The following NEDD1 variants were observed in gnomAD, a reference collection of about 807,000 sequenced individuals.
The protein encoded by NEDD1 is protein NEDD1.
In NEDD1, 33 loss-of-function variants were observed where a neutral mutation model predicts 74.0. The observed-to-expected ratio is 0.45, with a 90% confidence interval of 0.34 to 0.60. The LOEUF is 0.60. Among genes scored for constraint, NEDD1 ranks in the 20% least tolerant of loss-of-function variants. The probability of loss-of-function intolerance (pLI) is 0.01; values close to 1 mark genes in which losing one functional copy is unlikely to be tolerated. For missense variants in NEDD1, 746 were observed against 776.5 expected, an observed-to-expected ratio of 0.96 and a Z score of 0.47; for synonymous variants, 250 against 264.4, an observed-to-expected ratio of 0.95 and a Z score of 0.53.
rs868376177 is a variant in NEDD1, at chr12:96,953,049, C to T, written c.*996C>T. 5 of 151,248 alleles carry T rather than the reference C, an allele frequency of 3.3e-5. No individual in the cohort carries two copies. The highest frequency in any genetic ancestry group is 7.3e-5 in the African/African-American group (3 of 41,290). 9.4% of individuals were successfully genotyped at this position (151,248 alleles called of 1,614,324 possible). On this transcript the variant is annotated 3_prime_UTR_variant, in exon 16 of 16. Transcript: ENST00000266742. ...CTCTTTGGCAATAGATAGATGTATA[C>T]ATCTACCTACTATGATCTACAATTT...
At chr12:96,922,156 G>A (rs1216600241) in intron 6 of NEDD1, among the ~76,000 whole-genome samples, 1 of 152,148 alleles carries the variant, frequency 6.6e-6, no homozygotes, top group Non-Finnish European at 1.5e-5. Flanking sequence ...ATTAAAAATA[G>A]CCTTTAGAGG....
intron 3 of NEDD1, 22 bp downstream of exon 3, chr12:96,909,917 CA>C: frequency 3.8e-6 from 4 of 1,053,190 alleles, no homozygotes; most frequent in Admixed American, 5.5e-5. Context: ...AAAAAAAAAA[CA>C]CACACACACA....
At chr12:96,919,510 A>G (rs1337616733) in intron 5 of NEDD1, among the ~76,000 whole-genome samples, 4 of 151,948 alleles carry the variant, frequency 2.6e-5, no homozygotes, top group Non-Finnish European at 5.9e-5. Flanking sequence ...CCACTCCTCC[A>G]TTTTGCAATG....
rs191865441 is a variant in NEDD1 at position 96,940,188 on chromosome 12, A to G, written c.1118-221A>G. 3.3e-5 allele frequency among the ~76,000 whole-genome samples: 5 copies of G among 152,174 alleles called. No individual in the cohort carries two copies. In the East Asian group the frequency reaches 7.7e-4, roughly 23 times the overall value. On this transcript the variant is annotated intron_variant, in intron 9 of 15. Transcript: ENST00000266742. Reference sequence around the variant, plus strand: ...TTTCTTTTGAGGAACCTTTTGTTCCATGAAAATCCTGGTTAACTTTAGCTC... The same window carrying G: ...TTTCTTTTGAGGAACCTTTTGTTCCGTGAAAATCCTGGTTAACTTTAGCTC...
At chr12:96,928,589 A>T (rs1392825497) in intron 6 of NEDD1, among the ~76,000 whole-genome samples, 3 of 141,666 alleles carry the variant, frequency 2.1e-5, no homozygotes, top group Non-Finnish European at 4.6e-5. Flanking sequence ...ATTCAAAGGA[A>T]TTTTTTTTTT....
rs189376392 is a variant in NEDD1 at position 96,907,512 on chromosome 12, G to T, written c.-261-92G>T. The T allele has an allele frequency of 8.1e-4, 868 of 1,070,790 alleles. 4 individuals carry two copies. In the African/African-American group the frequency reaches 0.012, roughly 14 times the overall value. 66.3% of individuals were successfully genotyped at this position (1,070,790 alleles called of 1,614,324 possible). Reference sequence around the variant, plus strand: ...GGGCCGGGGTCGCGCACCTCCCGGAGCCTTGTGGGGTGTGCTGCCTCCGAA... The same window carrying T: ...GGGCCGGGGTCGCGCACCTCCCGGATCCTTGTGGGGTGTGCTGCCTCCGAA... On this transcript the variant is annotated intron_variant, in intron 1 of 15. Transcript: ENST00000266742.
rs1878131030 is a variant in NEDD1 at position 96,945,761 on chromosome 12, A to G, written c.1723A>G (p.Ile575Val). ...ACTCTCAGAAAAAATAGCCGACAGCATTGGAAATAACCGGCAAAATGCACC... is the reference window on the plus strand; with the variant it reads ...ACTCTCAGAAAAAATAGCCGACAGCGTTGGAAATAACCGGCAAAATGCACC... Reference protein sequence around the residue: ...SSLSEKIADSIGNNRQNAPLT... With the variant: ...SSLSEKIADSVGNNRQNAPLT... Residue 575 changes from isoleucine to valine, a missense_variant, in exon 14 of 16, where the codon ATT (isoleucine) becomes GTT (valine). By Grantham distance (29) the Ile-to-Val change is conservative. Around this residue, in one of 3 missense-constraint regions of NEDD1, gnomAD observed 706 missense variants for 706.7 expected, o/e 1.00. Transcript: ENST00000266742. 4.4e-6 allele frequency: 7 copies of G among 1,609,054 alleles called. No individual in the cohort carries two copies. The highest frequency in any genetic ancestry group is 6.0e-6 in the Non-Finnish European group (7 of 1,175,532).
chr12:96,913,104 T>C (rs547308939), intron 4 of NEDD1, among the ~76,000 whole-genome samples: 5 of 152,314 alleles, frequency 3.3e-5, no homozygotes, highest in African/African-American at 1.2e-4. Flanking sequence ...CTGTTGCTGC[T>C]ATTTTAGGAC....
intron 4 of NEDD1, among the ~76,000 whole-genome samples, chr12:96,916,121 G>GGATGAGGAAGAAAATGGTAACA (rs1242794208): frequency 6.6e-6 from 1 of 151,878 alleles, no homozygotes; most frequent in African/African-American, 2.4e-5. Flanking sequence ...GAGAATTAGT[G>GGATGAGGAAGAAAATGGTAACA]GATGAGGAAG....
At chr12:96,946,710 A>G (rs1306330495) in intron 14 of NEDD1, among the ~76,000 whole-genome samples, 1 of 152,310 alleles carries the variant, frequency 6.6e-6, no homozygotes, top group East Asian at 1.9e-4. Context: ...GTGTTCTGCC[A>G]TGTGTGTTTC....
chr12:96,924,383 G>A (rs1875460697), intron 6 of NEDD1, among the ~76,000 whole-genome samples: 1 of 151,998 alleles, frequency 6.6e-6, no homozygotes, highest in Non-Finnish European at 1.5e-5. Context: ...AGATTATATT[G>A]GATCTATGGA....
intron 3 of NEDD1, among the ~76,000 whole-genome samples, chr12:96,911,137 A>G (rs1386766320): frequency 6.6e-6 from 1 of 152,212 alleles, no homozygotes; most frequent in Non-Finnish European, 1.5e-5. Flanking sequence ...AATAGGGAAA[A>G]TATTTTAAAG....
intron 6 of NEDD1, among the ~76,000 whole-genome samples, chr12:96,929,633 T>TTA (rs1565798240): frequency 8.7e-5 from 13 of 149,386 alleles, no homozygotes; most frequent in African/African-American, 3.2e-4. Context: ...ATTTTTTTTT[T>TTA]AATGGCTGCT....
At chr12:96,926,585 C>G (rs1318715048) in intron 6 of NEDD1, among the ~76,000 whole-genome samples, 1 of 150,474 alleles carries the variant, frequency 6.6e-6, no homozygotes, top group African/African-American at 2.4e-5. Context: ...TTTTTTCCTG[C>G]AAGCAGTACT....
intron 7 of NEDD1, 132 bp downstream of exon 7, chr12:96,935,337 G>A: frequency 3.2e-6 from 2 of 615,554 alleles, no homozygotes; most frequent in South Asian, 4.0e-5. Flanking sequence ...GATGGATCTA[G>A]TAAGAAAGAA....
chr12:96,913,826 A>G (rs930690616), intron 4 of NEDD1, among the ~76,000 whole-genome samples: 1 of 152,114 alleles, frequency 6.6e-6, no homozygotes, highest in Non-Finnish European at 1.5e-5. Flanking sequence ...TTTAATTTCA[A>G]AGTTTTTCTA....
At chr12:96,915,224 A>G (rs555773783) in intron 4 of NEDD1, among the ~76,000 whole-genome samples, 2 of 152,336 alleles carry the variant, frequency 1.3e-5, no homozygotes, top group Non-Finnish European at 2.9e-5. Context: ...CCTGGGGTCC[A>G]CAGAAGTGAA....
intron 5 of NEDD1, among the ~76,000 whole-genome samples, chr12:96,918,165 T>C (rs895611523): frequency 2.0e-5 from 3 of 151,800 alleles, no homozygotes; most frequent in Admixed American, 2.0e-4. Context: ...TGCTCTTGTT[T>C]GTGTTTTTTT....
intron 6 of NEDD1, among the ~76,000 whole-genome samples, chr12:96,932,463 A>AAAAAAAAAAAAATAT: frequency 1.1e-4 from 1 of 9,438 alleles, no homozygotes; most frequent in African/African-American, 3.4e-4. Flanking sequence ...AAAAAAAAAA[A>AAAAAAAAAAAAATAT]ATATATATAT....
Sources: gnomAD v4.1 joint callset for allele counts (sites outside exome capture counted in the v4.1 genomes callset) on GRCh38, gnomAD v4.1.1 for gene constraint, gnomAD v4.1.1 regional missense constraint, MANE v1.5 for transcripts, NCBI Gene and HGNC (gene_info 2026-07-23, HGNC 2026-07-21) for gene names.